Variants in UBE4B observed in about 807,000 individuals in gnomAD.
UBE4B encodes ubiquitination factor E4B.
In UBE4B, 27 loss-of-function variants were observed where a neutral mutation model predicts 148.1. The observed-to-expected ratio is 0.18, with a 90% confidence interval of 0.13 to 0.25. The LOEUF (loss-of-function observed/expected upper bound fraction) is 0.25, where lower values mean the gene tolerates loss of function less well. Ranked by LOEUF, UBE4B falls within the 10% of genes least tolerant of loss-of-function variation. The pLI is 1.00. For synonymous variants in UBE4B, 596 were observed against 619.3 expected (o/e 0.96, Z 0.56); for missense variants, 1,170 against 1,662.4 (o/e 0.70, Z 5.15).
chr1:10,172,013 A>T (rs925367173), intron 25 of UBE4B, among the ~76,000 whole-genome samples: 3 of 152,194 alleles, frequency 2.0e-5, no homozygotes, highest in Non-Finnish European at 4.4e-5. Flanking sequence ...TACATTTCTG[A>T]AAAGAGCCCG....
chr1:10,050,082 GT>G (rs1644002351), intron 1 of UBE4B, among the ~76,000 whole-genome samples: 1 of 151,686 alleles, frequency 6.6e-6, no homozygotes, highest in Admixed American at 6.6e-5. Context: ...TGAAAGGCTG[GT>G]TTTTTTTGAG....
intron 1 of UBE4B, among the ~76,000 whole-genome samples, chr1:10,053,589 G>A (rs1051268421): frequency 3.3e-5 from 5 of 152,142 alleles, no homozygotes; most frequent in Non-Finnish European, 7.3e-5. Flanking sequence ...GTGGTGGTTT[G>A]CTGCACCTAT....
chr1:10,080,957 G>C (rs1411493619), intron 2 of UBE4B, among the ~76,000 whole-genome samples: 1 of 152,194 alleles, frequency 6.6e-6, no homozygotes, highest in Non-Finnish European at 1.5e-5. Flanking sequence ...CAAAATTTCA[G>C]TTAGATCAGA....
In UBE4B at chr1:10,147,089, G is replaced by T. The variant is rs747506937; in HGVS notation, c.2590G>T (p.Asp864Tyr). 3 of 1,614,082 alleles carry T rather than the reference G, an allele frequency of 1.9e-6. No homozygotes were observed. The highest frequency in any genetic ancestry group is 2.5e-6 in the Non-Finnish European group (3 of 1,179,998). ...LLRILDPAYP[D>Y]ITLPLNSDVP... ...CCGCATCCTGGACCCCGCATATCCC[G>T]AGTGAGTGTGCTTCTTCCTGTTTCC... The change falls in exon 19 of 28, where the codon GAT becomes TAT. Residue 864 changes from aspartate to tyrosine, a missense_variant and splice_region_variant. Transcript: ENST00000343090.
In UBE4B at chr1:10,161,038, T is replaced by G; in HGVS notation, c.3054-104T>G. 1,470 of 1,246,664 alleles carry G rather than the reference T, an allele frequency of 1.2e-3. No homozygotes were observed. Among genetic ancestry groups the G allele is most frequent in the Non-Finnish European group, 1.5e-3 (1,330 of 886,978 alleles). The allele number at this position is 1,246,664 out of a possible 1,614,324, so 77.2% of individuals were successfully genotyped here. A position where few individuals can be genotyped will look rare whatever the true frequency, so the allele number is the denominator to read the frequency against. ...TGCCAGGGTAGCCAGGCTTTTAGGG[T>G]GAGATAGTTGCAGTCTGGGTGGAGG... On this transcript the variant is annotated intron_variant, in intron 22 of 27. Coordinates refer to ENST00000343090, the MANE Select transcript of UBE4B (RefSeq NM_001105562.3). This position sits in a 1 kb window ranked among gnomAD's most constrained non-coding sequence, Gnocchi z 4.1.
chr1:10,114,059 C>T (rs1428134783), intron 7 of UBE4B, among the ~76,000 whole-genome samples: 12 of 128,734 alleles, frequency 9.3e-5, no homozygotes, highest in East Asian at 4.3e-4. Flanking sequence ...AGCGAGACTC[C>T]GTCTCAAAAA....
intron 1 of UBE4B, among the ~76,000 whole-genome samples, chr1:10,068,216 A>C (rs1644421888): frequency 6.6e-6 from 1 of 151,458 alleles, no homozygotes; most frequent in African/African-American, 2.4e-5. Context: ...TTTAGTAGAG[A>C]TGAGGTTTCA....
At chr1:10,101,976 G>GGTGT (rs35021874) in intron 4 of UBE4B, among the ~76,000 whole-genome samples, 1,740 of 147,544 alleles carry the variant, frequency 0.012, 24 homozygotes, top group African/African-American at 0.038. Context: ...CTGCATTTAG[G>GGTGT]GTGTGTGTGT....
At chr1:10,066,320 G>A (rs1416514540) in intron 1 of UBE4B, among the ~76,000 whole-genome samples, 1 of 151,582 alleles carries the variant, frequency 6.6e-6, no homozygotes, top group Non-Finnish European at 1.5e-5. Flanking sequence ...GGGGGGAGGG[G>A]GTCTTGCCAT....
chr1:10,143,109 A>G (rs1645810047), intron 17 of UBE4B, among the ~76,000 whole-genome samples: 1 of 152,134 alleles, frequency 6.6e-6, no homozygotes, highest in Non-Finnish European at 1.5e-5. Flanking sequence ...CTGTCTCAAA[A>G]AAGCAAAAAA....
At chr1:10,122,685 G>A (rs1281760677) in intron 10 of UBE4B, among the ~76,000 whole-genome samples, 2 of 152,222 alleles carry the variant, frequency 1.3e-5, no homozygotes, top group East Asian at 3.8e-4. Flanking sequence ...AAACTTTGTT[G>A]TTAACATTGC....
At chr1:10,137,757 C>G (rs910972247) in intron 17 of UBE4B, among the ~76,000 whole-genome samples, 4 of 152,042 alleles carry the variant, frequency 2.6e-5, no homozygotes, top group Non-Finnish European at 5.9e-5. Flanking sequence ...CACCAACAAA[C>G]AGAAGTCACA....
rs2101808798 is a variant in UBE4B at position 10,059,283 on chromosome 1, T to C, written c.25-12745T>C. 2.6e-5 allele frequency: 4 copies of C among 152,846 alleles called. No individual in the cohort carries two copies. The Middle Eastern group carries it at 0.014, about 516-fold the overall frequency. The allele number at this position is 152,846 out of a possible 1,614,324, so 9.5% of individuals were successfully genotyped here. On this transcript the variant is annotated intron_variant, in intron 1 of 27. Coordinates refer to ENST00000343090, the MANE Select transcript of UBE4B (RefSeq NM_001105562.3). ...TTGATGCCTCTGATGGAGCTGAACA[T>C]TTATTATACAGCAACAGCAGCAAGG...
intron 10 of UBE4B, among the ~76,000 whole-genome samples, chr1:10,126,069 G>A (rs1645488092): frequency 6.6e-6 from 1 of 152,234 alleles, no homozygotes; most frequent in Non-Finnish European, 1.5e-5. Context: ...GGGAGGCTGA[G>A]GCGGGTGGAT....
chr1:10,138,433 C>A (rs1028602311), intron 17 of UBE4B, among the ~76,000 whole-genome samples: 4 of 151,960 alleles, frequency 2.6e-5, no homozygotes, highest in African/African-American at 9.7e-5. Context: ...GGGGTTTCTC[C>A]ATGTTGGTCA....
chr1:10,154,481 A>T (rs1318566314), intron 21 of UBE4B, among the ~76,000 whole-genome samples: 3 of 152,190 alleles, frequency 2.0e-5, no homozygotes, highest in African/African-American at 4.8e-5. Context: ...AATGGAAATA[A>T]TTACGAATGT....
At chr1:10,035,839 G>A (rs984853083) in intron 1 of UBE4B, among the ~76,000 whole-genome samples, 1 of 150,634 alleles carries the variant, frequency 6.6e-6, no homozygotes, top group Non-Finnish European at 1.5e-5. Context: ...CGCTTCCCGG[G>A]TTCACGCCAT....
intron 20 of UBE4B, 150 bp downstream of exon 20, chr1:10,149,432 T>G: frequency 1.7e-6 from 1 of 576,072 alleles, no homozygotes; most frequent in Admixed American, 3.8e-5. Flanking sequence ...AAAAAATAAA[T>G]CCAACTGTGG....
At chr1:10,035,806 G>C (rs1008648170) in intron 1 of UBE4B, among the ~76,000 whole-genome samples, 27 of 147,726 alleles carry the variant, frequency 1.8e-4, no homozygotes, top group African/African-American at 6.7e-4. Context: ...GCAGTGGCGC[G>C]ATCTCAGCTC....
Sources: gnomAD v4.1 joint callset for allele counts (sites outside exome capture counted in the v4.1 genomes callset) on GRCh38, gnomAD v4.1.1 for gene constraint, Gnocchi (gnomAD v3.1) non-coding constraint, MANE v1.5 for transcripts, NCBI Gene and HGNC (gene_info 2026-07-23, HGNC 2026-07-21) for gene names.